The following GAS7 variants were observed in gnomAD, a reference collection of about 807,000 sequenced individuals.
The protein encoded by GAS7 is growth arrest-specific protein 7.
In GAS7, 28 loss-of-function variants were observed where a neutral mutation model predicts 71.1. The ratio of observed to expected loss-of-function variants is 0.39; its 90% CI spans 0.29 to 0.54. GAS7 has a LOEUF of 0.54. Ranked by LOEUF, GAS7 falls within the 20% of genes least tolerant of loss-of-function variation. The pLI is 0.62. For synonymous variants in GAS7, 258 were observed against 245.8 expected (o/e 1.05, Z -0.46); for missense variants, 436 against 627.8 (o/e 0.69, Z 3.27).
chr17:10,101,019 A>G (rs527334259), intron 1 of GAS7, among the ~76,000 whole-genome samples: 16 of 152,268 alleles, frequency 1.1e-4, no homozygotes, highest in Admixed American at 7.8e-4. Context: ...CTGTAATCCC[A>G]GCTACTCGGA....
At chr17:10,017,238 G>C (rs1312164104) in intron 2 of GAS7, among the ~76,000 whole-genome samples, 1 of 152,002 alleles carries the variant, frequency 6.6e-6, no homozygotes, top group Non-Finnish European at 1.5e-5. Flanking sequence ...CTGAAGCAGG[G>C]ACCAGCAGCT....
At chr17:10,054,828 C>G (rs2073114141) in intron 1 of GAS7, among the ~76,000 whole-genome samples, 1 of 152,148 alleles carries the variant, frequency 6.6e-6, no homozygotes, top group Admixed American at 6.5e-5. Flanking sequence ...CCTGCTCCCA[C>G]CCACCCGAGA....
chr17:10,070,343 T>G (rs941956025), intron 1 of GAS7, among the ~76,000 whole-genome samples: 1 of 114,344 alleles, frequency 8.7e-6, no homozygotes, highest in Non-Finnish European at 1.8e-5. Flanking sequence ...TCTCTCTTCT[T>G]TTTTTTTTTT....
At position 9,966,084 on chromosome 17, in the gene GAS7, C is replaced by T. The variant is rs540005521; in HGVS notation, c.471+3593G>A. ...TGCAATCTCGGCTCACTGCAAGCTC[C>T]GCCTCCCTGGTTCATGCCATTCTCC... On this transcript the variant is annotated intron_variant, in intron 4 of 13. Coordinates refer to ENST00000432992, the MANE Select transcript of GAS7 (RefSeq NM_201433.2). 5.0e-3 allele frequency among the ~76,000 whole-genome samples: 762 copies of T among 151,110 alleles called. 5 individuals carry two copies. The highest frequency in any genetic ancestry group is 0.017 in the African/African-American group (700 of 41,102).
intron 4 of GAS7, among the ~76,000 whole-genome samples, chr17:9,968,184 T>C (rs150882985): frequency 5.9e-5 from 9 of 152,264 alleles, no homozygotes; most frequent in Non-Finnish European, 1.2e-4. Flanking sequence ...GAATCTGTGT[T>C]GAGAAGGCAA....
At chr17:10,095,548 G>T (rs532985960) in intron 1 of GAS7, among the ~76,000 whole-genome samples, 1 of 152,154 alleles carries the variant, frequency 6.6e-6, no homozygotes, top group African/African-American at 2.4e-5. Flanking sequence ...GATCTTGGCC[G>T]CAGTGGCTCA....
intron 4 of GAS7, among the ~76,000 whole-genome samples, chr17:9,964,192 A>T (rs1250199297): frequency 6.6e-6 from 1 of 152,124 alleles, no homozygotes; most frequent in Non-Finnish European, 1.5e-5. Context: ...GCATCTCTGC[A>T]TCACCCTGAG....
At chr17:10,057,556 G>A (rs1373100324) in intron 1 of GAS7, among the ~76,000 whole-genome samples, 7 of 151,658 alleles carry the variant, frequency 4.6e-5, no homozygotes, top group African/African-American at 1.2e-4. Flanking sequence ...ATCTCCACCC[G>A]GCAGCCGCCC....
At chr17:10,029,610 T>C (rs1341015686) in intron 1 of GAS7, among the ~76,000 whole-genome samples, 1 of 152,084 alleles carries the variant, frequency 6.6e-6, no homozygotes, top group Non-Finnish European at 1.5e-5. Context: ...TCCTAATATT[T>C]TGGGAGTCCA....
At chr17:10,141,251 C>G (rs938720990) in intron 1 of GAS7, among the ~76,000 whole-genome samples, 13 of 152,190 alleles carry the variant, frequency 8.5e-5, no homozygotes, top group Non-Finnish European at 7.3e-5. Flanking sequence ...AGATTGAGAC[C>G]ATCCTGGCTA....
At chr17:10,157,280 G>A (rs1488341568) in intron 1 of GAS7, among the ~76,000 whole-genome samples, 3 of 151,994 alleles carry the variant, frequency 2.0e-5, no homozygotes, top group African/African-American at 4.8e-5. Context: ...CAACCTTGGA[G>A]CTGACGAGGG....
At chr17:10,046,801 G>A (rs1336260008) in intron 1 of GAS7, among the ~76,000 whole-genome samples, 37 of 89,444 alleles carry the variant, frequency 4.1e-4, no homozygotes, top group African/African-American at 1.6e-3. Flanking sequence ...AGGAAGGAAG[G>A]AAGGAAGGAA....
chr17:9,992,319 G>C (rs1383836267), intron 2 of GAS7, among the ~76,000 whole-genome samples: 1 of 151,704 alleles, frequency 6.6e-6, no homozygotes, highest in African/African-American at 2.4e-5. Context: ...CTACCTACTT[G>C]AGTTCCCAGG....
chr17:10,154,349 A>G (rs181950544), intron 1 of GAS7, among the ~76,000 whole-genome samples: 4 of 151,938 alleles, frequency 2.6e-5, no homozygotes, highest in Non-Finnish European at 5.9e-5. Flanking sequence ...AAATAAAATT[A>G]AAAATTTAGC....
At chr17:10,162,242 A>AG (rs11378379) in intron 1 of GAS7, among the ~76,000 whole-genome samples, 152,221 of 152,228 alleles carry the variant, frequency 1, 76,107 homozygotes, top group Middle Eastern at 1. Context: ...CTGAAGAAGC[A>AG]GCGCTGCCCA....
At chr17:10,144,612 C>T (rs977935865) in intron 1 of GAS7, among the ~76,000 whole-genome samples, 5 of 152,130 alleles carry the variant, frequency 3.3e-5, no homozygotes, top group African/African-American at 9.7e-5. Context: ...GGCGCAATCA[C>T]GGCTCACTGC....
At chr17:10,029,581 C>T (rs887771993) in intron 1 of GAS7, among the ~76,000 whole-genome samples, 30 of 152,230 alleles carry the variant, frequency 2.0e-4, no homozygotes, top group East Asian at 3.9e-4. Context: ...GGGCTGGGTG[C>T]GGTGCCTCAT....
chr17:9,958,262 T>C (rs541399125), intron 5 of GAS7, among the ~76,000 whole-genome samples: 6 of 152,340 alleles, frequency 3.9e-5, no homozygotes, highest in African/African-American at 1.4e-4. Flanking sequence ...ACACTTCATA[T>C]AGCTAATGGA....
At chr17:10,007,314 T>C (rs932403195) in intron 2 of GAS7, among the ~76,000 whole-genome samples, 4 of 152,128 alleles carry the variant, frequency 2.6e-5, no homozygotes, top group African/African-American at 9.7e-5. Flanking sequence ...AAAGACTCCC[T>C]AACCAAGACG....
Sources: gnomAD v4.1 joint callset for allele counts (sites outside exome capture counted in the v4.1 genomes callset) on GRCh38, gnomAD v4.1.1 for gene constraint, MANE v1.5 for transcripts, NCBI Gene and HGNC (gene_info 2026-07-23, HGNC 2026-07-21) for gene names.